Variants in CPNE4 observed in about 807,000 individuals in gnomAD.
CPNE4 encodes the protein copine-4.
Under a neutral mutation model 67.9 loss-of-function variants are expected in CPNE4, and 25 were observed. That is an observed-to-expected ratio of 0.37 (90% confidence interval 0.27 to 0.51). The LOEUF (loss-of-function observed/expected upper bound fraction) is 0.51, where lower values mean the gene tolerates loss of function less well. Ranked by LOEUF, CPNE4 falls within the 20% of genes least tolerant of loss-of-function variation. The pLI is 0.93. For synonymous variants in CPNE4, 242 were observed against 244.9 expected, an observed-to-expected ratio of 0.99 and a Z score of 0.11; for missense variants, 464 against 690.8, an observed-to-expected ratio of 0.67 and a Z score of 3.68.
Position 131,699,991 on chromosome 3 carries a change from G to C in CPNE4, c.361-11C>G. 6.5e-7 allele frequency: 1 copy of C among 1,546,942 alleles called. No individual in the cohort carries two copies. Reference sequence around the variant, plus strand: ...TCTCTGGGAAACAATCTGCAAAAAAGGAAACAAAAGGTAACAAAAGGTAGA... The same window carrying C: ...TCTCTGGGAAACAATCTGCAAAAAACGAAACAAAAGGTAACAAAAGGTAGA... On this transcript the variant is annotated splice_polypyrimidine_tract_variant and intron_variant, in intron 3 of 15. Coordinates refer to ENST00000429747, the MANE Select transcript of CPNE4 (RefSeq NM_130808.3).
intron 1 of CPNE4, among the ~76,000 whole-genome samples, chr3:132,025,751 A>G (rs1560807404): frequency 6.6e-6 from 1 of 152,198 alleles, no homozygotes; most frequent in Admixed American, 6.5e-5. Context: ...TTCTCATTCT[A>G]TATCTATGAA....
At chr3:131,892,365 G>A (rs1332297517) in intron 2 of CPNE4, among the ~76,000 whole-genome samples, 1 of 152,088 alleles carries the variant, frequency 6.6e-6, no homozygotes, top group Non-Finnish European at 1.5e-5. Context: ...GGGAAATACA[G>A]ACCTTTCCAG....
chr3:132,001,507 T>C (rs2073430699), intron 1 of CPNE4, among the ~76,000 whole-genome samples: 1 of 142,484 alleles, frequency 7.0e-6, no homozygotes, highest in African/African-American at 2.6e-5. Context: ...CCAGGAGTCT[T>C]GTAATTGTGA....
chr3:131,807,739 A>G (rs1384429463), intron 2 of CPNE4, among the ~76,000 whole-genome samples: 1 of 152,150 alleles, frequency 6.6e-6, no homozygotes, highest in African/African-American at 2.4e-5. Context: ...CCACGTTCTC[A>G]CCTGTATATT....
chr3:131,597,186 T>A (rs1302537739), intron 7 of CPNE4, among the ~76,000 whole-genome samples: 1 of 152,110 alleles, frequency 6.6e-6, no homozygotes. Context: ...AACCAACTAC[T>A]GCTGTTATAG....
At chr3:131,676,281 A>G (rs1009209996) in intron 6 of CPNE4, among the ~76,000 whole-genome samples, 19 of 151,612 alleles carry the variant, frequency 1.3e-4, no homozygotes, top group African/African-American at 3.6e-4. Context: ...CTGGTGTCCA[A>G]CTCCTGGTCT....
intron 1 of CPNE4, among the ~76,000 whole-genome samples, chr3:131,906,379 A>G (rs935267159): frequency 1.4e-5 from 2 of 147,376 alleles, no homozygotes; most frequent in Non-Finnish European, 3.0e-5. Flanking sequence ...CATTAGGTAT[A>G]TCTCCTAATG....
intron 6 of CPNE4, among the ~76,000 whole-genome samples, chr3:131,680,302 T>C (rs1038575303): frequency 1.3e-5 from 2 of 151,900 alleles, no homozygotes; most frequent in Non-Finnish European, 2.9e-5. Flanking sequence ...CATCCCTTTA[T>C]TTTGAGCCTA....
chr3:131,950,826 A>G (rs184481144), intron 1 of CPNE4, among the ~76,000 whole-genome samples: 1 of 152,296 alleles, frequency 6.6e-6, no homozygotes, highest in African/African-American at 2.4e-5. Context: ...ATTCATTCCA[A>G]CTTTTGGTAT....
intron 7 of CPNE4, among the ~76,000 whole-genome samples, chr3:131,655,101 G>A (rs532912325): frequency 6.6e-6 from 1 of 152,272 alleles, no homozygotes; most frequent in Admixed American, 6.5e-5. Context: ...GGTTGAGATG[G>A]GTGAATTGAG....
intron 2 of CPNE4, among the ~76,000 whole-genome samples, chr3:131,834,654 T>C (rs1489172049): frequency 6.6e-6 from 1 of 151,862 alleles, no homozygotes; most frequent in Non-Finnish European, 1.5e-5. Flanking sequence ...GATTTAAAGG[T>C]AAAACAAATA....
intron 1 of CPNE4, among the ~76,000 whole-genome samples, chr3:131,979,805 C>G (rs915625822): frequency 2.5e-4 from 38 of 150,814 alleles, no homozygotes; most frequent in African/African-American, 9.0e-4. Flanking sequence ...GTGATTTATG[C>G]TTTAAAGAGA....
chr3:131,650,096 T>C (rs945214752), intron 7 of CPNE4, among the ~76,000 whole-genome samples: 12 of 151,080 alleles, frequency 7.9e-5, no homozygotes, highest in African/African-American at 2.7e-4. Context: ...GTTTCTGACT[T>C]CAGGGAAAGC....
chr3:132,005,378 T>G (rs1203024048), intron 1 of CPNE4, among the ~76,000 whole-genome samples: 1 of 141,616 alleles, frequency 7.1e-6, no homozygotes, highest in Non-Finnish European at 1.5e-5. Flanking sequence ...CACACATATA[T>G]GTTTATATTT....
chr3:132,010,647 C>T (rs193052777), intron 1 of CPNE4, among the ~76,000 whole-genome samples: 2 of 152,204 alleles, frequency 1.3e-5, no homozygotes, highest in African/African-American at 2.4e-5. Flanking sequence ...AAAAGATTGT[C>T]GATACATGAT....
At chr3:131,916,308 G>C (rs986435619) in intron 1 of CPNE4, among the ~76,000 whole-genome samples, 6 of 147,746 alleles carry the variant, frequency 4.1e-5, no homozygotes, top group African/African-American at 1.5e-4. Context: ...TTAACAGGAA[G>C]CTGGGGGGCT....
intron 7 of CPNE4, among the ~76,000 whole-genome samples, chr3:131,599,449 C>T (rs571573691): frequency 1.3e-5 from 2 of 152,318 alleles, no homozygotes; most frequent in African/African-American, 4.8e-5. Context: ...TCATTTACAA[C>T]ATGAACACTC....
intron 2 of CPNE4, among the ~76,000 whole-genome samples, chr3:131,792,762 CTATA>C (rs1208299176): frequency 9.3e-6 from 1 of 107,566 alleles, no homozygotes; most frequent in Non-Finnish European, 2.0e-5. Context: ...TATACACACA[CTATA>C]TATGTATATG....
intron 1 of CPNE4, among the ~76,000 whole-genome samples, chr3:131,910,797 C>T (rs1482720596): frequency 3.3e-5 from 5 of 152,298 alleles, no homozygotes; most frequent in South Asian, 2.1e-4. Flanking sequence ...GGCAGAATAT[C>T]ATTGGGTCTA....
Sources: allele counts gnomAD v4.1 joint callset (sites outside exome capture counted in the v4.1 genomes callset), GRCh38; gene constraint gnomAD v4.1.1; transcripts MANE v1.5; gene names NCBI Gene and HGNC (gene_info 2026-07-23, HGNC 2026-07-21).